The following SLC35A3 variants were observed in gnomAD, a reference collection of about 807,000 sequenced individuals.
SLC35A3 encodes the protein UDP-N-acetylglucosamine transporter.
Under a neutral mutation model 39.0 loss-of-function variants are expected in SLC35A3, and 26 were observed. The ratio of observed to expected loss-of-function variants is 0.67; its 90% CI spans 0.49 to 0.92. The LOEUF (loss-of-function observed/expected upper bound fraction) is 0.92, where lower values mean the gene tolerates loss of function less well. Ranked by LOEUF, SLC35A3 falls within the 40% of genes least tolerant of loss-of-function variation. SLC35A3 has a pLI of 0.00. For synonymous variants in SLC35A3, 135 were observed against 133.1 expected (o/e 1.01, Z -0.10); for missense variants, 299 against 371.6 (o/e 0.80, Z 1.61).
chr1:100,000,698 C>T (rs993129652), intron 3 of SLC35A3: 1 of 152,120 alleles, frequency 6.6e-6, no homozygotes, highest in Non-Finnish European at 1.5e-5. Context: ...TGCTAATCTT[C>T]TCTGTGTAAT....
At chr1:100,015,204 A>AAAAAGT in intron 5 of SLC35A3, 98 bp from the exon 6 acceptor site, 7 of 1,167,268 alleles carry the variant, frequency 6.0e-6, no homozygotes, top group Non-Finnish European at 8.0e-6. Flanking sequence ...TATCAAAAAG[A>AAAAAGT]AAAAGTTAAG....
At chr1:99,991,151 G>T (rs1557828490) in intron 1 of SLC35A3, among the ~76,000 whole-genome samples, 9 of 152,026 alleles carry the variant, frequency 5.9e-5, no homozygotes. Context: ...ACCAGGTTTT[G>T]TTTTTTTGTT....
intron 1 of SLC35A3, among the ~76,000 whole-genome samples, chr1:99,990,399 C>T (rs1054127775): frequency 5.9e-5 from 9 of 151,932 alleles, no homozygotes; most frequent in African/African-American, 1.9e-4. Context: ...CATGGTGAAA[C>T]CCCGTCTCTA....
chr1:99,987,134 T>C (rs1450569066), intron 1 of SLC35A3, among the ~76,000 whole-genome samples: 1 of 152,272 alleles, frequency 6.6e-6, no homozygotes, highest in African/African-American at 2.4e-5. Context: ...GGGAGCCTGA[T>C]ATAAGCTATA....
At chr1:99,978,538 A>G (rs1317054009) in intron 1 of SLC35A3, among the ~76,000 whole-genome samples, 1 of 152,210 alleles carries the variant, frequency 6.6e-6, no homozygotes, top group African/African-American at 2.4e-5. Context: ...AAAATATAAA[A>G]TAAAATAAGA....
At chr1:100,015,156 TCAAAAA>T (rs1660001933) in intron 5 of SLC35A3, 140 bp from the exon 6 acceptor site, 1 of 621,250 alleles carries the variant, frequency 1.6e-6, no homozygotes, top group Non-Finnish European at 2.2e-6. Context: ...AGACTCCGTC[TCAAAAA>T]AAAAAAAAAA....
At chr1:99,994,680 A>G (rs2101140906) in intron 2 of SLC35A3, among the ~76,000 whole-genome samples, 1 of 152,262 alleles carries the variant, frequency 6.6e-6, no homozygotes, top group African/African-American at 2.4e-5. Context: ...TTGTTTATTC[A>G]TCCATGTGTT....
chr1:99,997,199 T>C (rs569597967), intron 2 of SLC35A3, among the ~76,000 whole-genome samples: 71 of 151,722 alleles, frequency 4.7e-4, no homozygotes, highest in African/African-American at 1.7e-3. Flanking sequence ...CTTGCAGCTA[T>C]GGGTAGTTAT....
intron 2 of SLC35A3, among the ~76,000 whole-genome samples, chr1:99,994,086 A>G (rs1362922995): frequency 6.6e-6 from 1 of 152,058 alleles, no homozygotes; most frequent in Non-Finnish European, 1.5e-5. Flanking sequence ...TATTTGCTTT[A>G]TTGATTAGTC....
At chr1:99,991,226 A>G (rs1210696525) in intron 1 of SLC35A3, among the ~76,000 whole-genome samples, 2 of 152,108 alleles carry the variant, frequency 1.3e-5, no homozygotes, top group Non-Finnish European at 2.9e-5. Flanking sequence ...GCTCACTGCA[A>G]CCTTCGCCTC....
At chr1:99,970,734 A>G in intron 1 of SLC35A3, 1 of 828,948 alleles carries the variant, frequency 1.2e-6, no homozygotes, top group South Asian at 1.7e-5. Flanking sequence ...ATAGTAAAAG[A>G]CGATCTTTTA....
At chr1:99,996,204 G>A (rs1047280721) in intron 2 of SLC35A3, among the ~76,000 whole-genome samples, 21 of 152,048 alleles carry the variant, frequency 1.4e-4, no homozygotes, top group Non-Finnish European at 2.5e-4. Context: ...AGACATAAAG[G>A]AAAAAATAGA....
intron 2 of SLC35A3, among the ~76,000 whole-genome samples, chr1:99,996,009 A>G (rs1005652303): frequency 4.6e-5 from 7 of 152,266 alleles, no homozygotes; most frequent in African/African-American, 1.7e-4. Flanking sequence ...TGACACAAAT[A>G]GTTGCATTGT....
chr1:100,001,770 T>C, intron 3 of SLC35A3, among the ~76,000 whole-genome samples: 1 of 152,304 alleles, frequency 6.6e-6, no homozygotes, highest in South Asian at 2.1e-4. Flanking sequence ...AGTTGTGTGT[T>C]TGTCATATAT....
At chr1:99,999,817 T>A (rs1658643966) in intron 3 of SLC35A3, among the ~76,000 whole-genome samples, 1 of 152,054 alleles carries the variant, frequency 6.6e-6, no homozygotes, top group Non-Finnish European at 1.5e-5. Context: ...CTCCCTTTTT[T>A]TTTTTAGCTT....
Position 99,972,471 on chromosome 1 carries a change from G to C in SLC35A3, c.-19+2309G>C, listed in dbSNP as rs184583973. ...CTGCCTCAGCCTCTCGAGTAGCTGG[G>C]ACTACAGGCGTGCATCACCACACCT... On this transcript the variant is annotated intron_variant, in intron 1 of 7. Transcript: ENST00000533028. Among the ~76,000 whole-genome samples, 4 of 151,646 alleles carry C rather than the reference G, an allele frequency of 2.6e-5. No homozygotes were observed. In the East Asian group the frequency reaches 7.8e-4, roughly 30 times the overall value.
intron 1 of SLC35A3, among the ~76,000 whole-genome samples, chr1:99,971,410 C>A (rs1484077344): frequency 2.0e-5 from 3 of 151,806 alleles, no homozygotes; most frequent in Non-Finnish European, 2.9e-5. Flanking sequence ...GGGTTCATGC[C>A]GTTCTCCTGC....
Position 99,989,273 on chromosome 1 carries a change from TG to T in SLC35A3, c.-18-4263del, listed in dbSNP as rs550944923. Among the ~76,000 whole-genome samples, 640 of 152,152 alleles carry T rather than the reference TG, an allele frequency of 4.2e-3. 6 individuals carry two copies. The highest frequency in any genetic ancestry group is 0.015 in the African/African-American group (628 of 41,506). ...TTTGTCTTTATTGATAAAATATCTT[TG>T]TTTTTTTGTTTTGTTTTGTTTTGTT... is the stretch of plus-strand genomic sequence containing the variant. On this transcript the variant is annotated intron_variant, in intron 1 of 7. Transcript: ENST00000533028.
In SLC35A3 at chr1:100,003,525, A is replaced by G. The variant is rs1658981983; in HGVS notation, c.343-3509A>G. 2.6e-5 allele frequency among the ~76,000 whole-genome samples: 4 copies of G among 151,810 alleles called. No homozygotes were observed. In the South Asian group the frequency reaches 8.3e-4, roughly 31 times the overall value. ...AACTTTTAAAGATTTGTTGAGACTT[A>G]TAGCCTAATATATATTCTATTCTGG... On this transcript the variant is annotated intron_variant, in intron 3 of 7. Coordinates refer to ENST00000533028, the MANE Select transcript of SLC35A3 (RefSeq NM_012243.3).
Sources: allele counts gnomAD v4.1 joint callset (sites outside exome capture counted in the v4.1 genomes callset), GRCh38; gene constraint gnomAD v4.1.1; transcripts MANE v1.5; gene names NCBI Gene and HGNC (gene_info 2026-07-23, HGNC 2026-07-21).